CSE1L: variants seen among roughly 807,000 people sequenced by gnomAD.
CSE1L encodes exportin-2.
CSE1L carries 24 observed loss-of-function variants against 120.4 expected under a neutral mutation model. The ratio of observed to expected loss-of-function variants is 0.20; its 90% confidence interval spans 0.14 to 0.28. The LOEUF is 0.28. Ranked by LOEUF, CSE1L falls within the 10% of genes least tolerant of loss-of-function variation. The probability of loss-of-function intolerance (pLI) is 1.00; values close to 1 mark genes in which losing one functional copy is unlikely to be tolerated. For synonymous variants in CSE1L, 402 were observed against 398.3 expected (o/e 1.01, Z -0.11); for missense variants, 830 against 1,145.2 (o/e 0.72, Z 3.97).
intron 2 of CSE1L, among the ~76,000 whole-genome samples, chr20:49,058,906 C>T (rs573372292): frequency 2.9e-4 from 44 of 152,074 alleles, no homozygotes; most frequent in African/African-American, 1.0e-3. Flanking sequence ...CTGAGGCAGG[C>T]GGATCACGAG....
At chr20:49,093,698 C>G (rs2145758249) in intron 22 of CSE1L, among the ~76,000 whole-genome samples, 1 of 151,328 alleles carries the variant, frequency 6.6e-6, no homozygotes, top group East Asian at 1.9e-4. Flanking sequence ...AGGTGGATCA[C>G]CTGAGGTCAG....
chr20:49,057,492 C>T (rs1462924008), intron 1 of CSE1L, among the ~76,000 whole-genome samples: 4 of 138,652 alleles, frequency 2.9e-5, no homozygotes, highest in African/African-American at 1.1e-4. Context: ...CTTGCTCCAT[C>T]ACCCAAGTTG....
chr20:49,095,677 T>C (rs910312543), intron 24 of CSE1L, among the ~76,000 whole-genome samples: 10 of 152,076 alleles, frequency 6.6e-5, no homozygotes, highest in African/African-American at 2.4e-4. Context: ...ATAATGACTG[T>C]ATAGTTGCAT....
rs2091899891 is a variant in CSE1L, at chr20:49,067,267, C to T, written c.554C>T (p.Thr185Ile). 1.2e-6 allele frequency: 2 copies of T among 1,605,362 alleles called. No individual in the cohort carries two copies. Among genetic ancestry groups the T allele is most frequent in the Non-Finnish European group, 1.7e-6 (2 of 1,173,712 alleles). The change falls in exon 6 of 25, where the codon ACT becomes ATT. Residue 185 changes from threonine (T) to isoleucine (I), a missense_variant. Thr to Ile is a moderately conservative substitution (Grantham distance 89). Coordinates refer to ENST00000262982, the MANE Select transcript of CSE1L (RefSeq NM_001316.4). ...LVLDAFALPL[T>I]NLFKATIELC... is the part of the protein sequence containing the mutation. ...CTGGATGCCTTTGCTTTGCCTTTGA[C>T]TAATCTTTTTAAGGTATGGAATGCA...
chr20:49,078,951 GCA>G (rs2091989631), intron 14 of CSE1L, among the ~76,000 whole-genome samples: 1 of 152,024 alleles, frequency 6.6e-6, no homozygotes. Context: ...GAGTGCAGTG[GCA>G]CCATCTTGGC....
At chr20:49,067,952 T>TTG (rs1314315490) in intron 6 of CSE1L, among the ~76,000 whole-genome samples, 2 of 116,474 alleles carry the variant, frequency 1.7e-5, no homozygotes, top group African/African-American at 7.3e-5. Flanking sequence ...TTTTTTTTTT[T>TTG]TGAGATGGAG....
At chr20:49,047,139 G>GGTT (rs1279177641) in intron 1 of CSE1L, among the ~76,000 whole-genome samples, 5 of 152,184 alleles carry the variant, frequency 3.3e-5, no homozygotes, top group Admixed American at 3.3e-4. Flanking sequence ...ATAGACTTTG[G>GGTT]AATTAGATCG....
At chr20:49,082,714 G>C (rs1217787071) in intron 14 of CSE1L, among the ~76,000 whole-genome samples, 3 of 151,316 alleles carry the variant, frequency 2.0e-5, no homozygotes, top group Non-Finnish European at 4.4e-5. Context: ...GTAGAGACGG[G>C]GTTTCACTGT....
At chr20:49,076,923 G>A (rs1305133804) in intron 12 of CSE1L, 57 bp from the exon 13 acceptor site, 1 of 1,086,810 alleles carries the variant, frequency 9.2e-7, no homozygotes, top group African/African-American at 1.6e-5. Flanking sequence ...AATTTCTAAT[G>A]TGATAGATAT....
chr20:49,075,344 T>C lies in CSE1L; in HGVS notation c.1159T>C (p.Cys387Arg). 6.2e-7 allele frequency: 1 copy of C among 1,614,058 alleles called. No individual in the cohort carries two copies. Among genetic ancestry groups the C allele is most frequent in the Non-Finnish European group, 8.5e-7 (1 of 1,179,954 alleles). Residue 387 changes from cysteine to arginine, a missense_variant, in exon 12 of 25, where the codon TGT becomes CGT. By Grantham distance (180) the Cys-to-Arg change is radical (BLOSUM62 -3). Around this residue, in one of 4 missense-constraint regions of CSE1L, gnomAD observed 543 missense variants for 640.2 expected, o/e 0.85. Coordinates refer to ENST00000262982, the MANE Select transcript of CSE1L (RefSeq NM_001316.4). ...TATTGATACTAGACGCAGGGCTGCTTGTGATCTGGTACGAGGATTATGCAA... is the reference window on the plus strand; with the variant it reads ...TATTGATACTAGACGCAGGGCTGCTCGTGATCTGGTACGAGGATTATGCAA... ...SDIDTRRRAA[C>R]DLVRGLCKFF...
At chr20:49,083,272 G>A (rs2092028574) in intron 14 of CSE1L, among the ~76,000 whole-genome samples, 1 of 152,092 alleles carries the variant, frequency 6.6e-6, no homozygotes, top group Non-Finnish European at 1.5e-5. Context: ...ACCCACCTCG[G>A]CCTCCCAAAG....
intron 17 of CSE1L, 75 bp downstream of exon 17, chr20:49,088,181 C>T (rs1218845227): frequency 3.1e-6 from 3 of 978,014 alleles, no homozygotes; most frequent in Non-Finnish European, 4.8e-6. Context: ...AACTCTTTGG[C>T]ATTACGTGAA....
chr20:49,093,924 AAAAAG>A (rs2092120864), intron 22 of CSE1L, among the ~76,000 whole-genome samples: 1 of 152,094 alleles, frequency 6.6e-6, no homozygotes, highest in Admixed American at 6.6e-5. Flanking sequence ...TCTCAAAAAA[AAAAAG>A]AAAAGAAAAA....
chr20:49,077,436 A>C (rs2091978046), intron 13 of CSE1L, among the ~76,000 whole-genome samples: 1 of 152,194 alleles, frequency 6.6e-6, no homozygotes, highest in Non-Finnish European at 1.5e-5. Context: ...CTGGGATTGC[A>C]GGCGTGAGCC....
At chr20:49,092,170 GAC>G in intron 22 of CSE1L, 43 bp downstream of exon 22, 1 of 1,194,660 alleles carries the variant, frequency 8.4e-7, no homozygotes, top group Non-Finnish European at 1.2e-6. Flanking sequence ...AAAATGTTTT[GAC>G]TTTTTTTTTA....
chr20:49,079,325 C>G (rs1418555305), intron 14 of CSE1L, among the ~76,000 whole-genome samples: 1 of 152,164 alleles, frequency 6.6e-6, no homozygotes, highest in African/African-American at 2.4e-5. Flanking sequence ...CTTCCGGGTT[C>G]AAGTGATTCT....
intron 2 of CSE1L, 92 bp downstream of exon 2, chr20:49,058,640 A>T (rs1229018259): frequency 7.7e-6 from 7 of 903,920 alleles, no homozygotes; most frequent in African/African-American, 3.4e-5. Context: ...AATATATTTT[A>T]AAAAATTCAT....
intron 22 of CSE1L, 62 bp from the exon 23 acceptor site, chr20:49,094,078 G>A (rs2092122170): frequency 1.9e-6 from 2 of 1,027,334 alleles, no homozygotes; most frequent in Non-Finnish European, 2.8e-6. Context: ...TAACATCTAA[G>A]CATTTTACTA....
intron 12 of CSE1L, among the ~76,000 whole-genome samples, chr20:49,076,232 G>C (rs967826860): frequency 6.6e-6 from 1 of 152,204 alleles, no homozygotes; most frequent in Admixed American, 6.5e-5. Flanking sequence ...TTGTTGCCCA[G>C]GCTGGAGTGC....
Sources: allele counts gnomAD v4.1 joint callset (sites outside exome capture counted in the v4.1 genomes callset), GRCh38; gene constraint gnomAD v4.1.1; regional missense constraint gnomAD v4.1.1; transcripts MANE v1.5; gene names NCBI Gene and HGNC (gene_info 2026-07-23, HGNC 2026-07-21).